Variants in CALCOCO2 observed in about 807,000 individuals in gnomAD.
The protein encoded by CALCOCO2 is calcium-binding and coiled-coil domain-containing protein 2.
Under a neutral mutation model 62.5 loss-of-function variants are expected in CALCOCO2, and 42 were observed. The ratio of observed to expected loss-of-function variants is 0.67; its 90% confidence interval spans 0.53 to 0.87. The LOEUF (loss-of-function observed/expected upper bound fraction) is 0.87. CALCOCO2 is among the 40% of genes least tolerant of loss of function. The pLI is 0.00. For synonymous variants in CALCOCO2, 167 were observed against 173.0 expected (o/e 0.97, Z 0.27); for missense variants, 456 against 515.0 (o/e 0.89, Z 1.11).
intron 10 of CALCOCO2, among the ~76,000 whole-genome samples, chr17:48,857,628 G>A (rs936514292): frequency 1.1e-4 from 17 of 149,184 alleles, no homozygotes; most frequent in African/African-American, 3.7e-4. Context: ...TCTGGCCTAT[G>A]CCTCCTAGTG....
chr17:48,861,804 T>C (rs1049736325), intron 11 of CALCOCO2, among the ~76,000 whole-genome samples: 2 of 151,312 alleles, frequency 1.3e-5, no homozygotes, highest in African/African-American at 4.9e-5. Context: ...TCCCAGCACT[T>C]TGAGAGGCCG....
In CALCOCO2 at chr17:48,864,554, T is replaced by A. The variant is rs1484509561; in HGVS notation, c.*1549T>A. On this transcript the variant is annotated 3_prime_UTR_variant, in exon 13 of 13. Transcript: ENST00000258947. ...AAATGGAAATAACTCCCAGGCAGTA[T>A]CAGGTGGTCACTACAGAGACTTCCA... is the stretch of plus-strand genomic sequence containing the variant. 12 of 152,570 alleles carry A rather than the reference T, an allele frequency of 7.9e-5. No homozygotes were observed. Among genetic ancestry groups the A allele is most frequent in the Admixed American group, 7.9e-4 (12 of 15,286 alleles). The allele number at this position is 152,570 out of a possible 1,614,324, so 9.5% of individuals were successfully genotyped here.
At position 48,860,390 on chromosome 17, in the gene CALCOCO2, C is replaced by T; in HGVS notation, c.1085C>T (p.Thr362Ile). The change falls in exon 11 of 13, where the codon ACT (threonine) becomes ATT (isoleucine). Residue 362 changes from threonine (T) to isoleucine (I), a missense_variant. Thr to Ile is a moderately conservative substitution (Grantham distance 89). Around this residue, in one of 3 missense-constraint regions of CALCOCO2, gnomAD observed 172 missense variants for 210.3 expected, o/e 0.82. Transcript: ENST00000258947. ...AATTCTTTGCCGTATCAAGTACCTA[C>T]TTCAGATGAAGGAGGCGCAAGACAA... ...DFNSLPYQVPTSDEGGARQNP... is the reference protein window; with the variant it reads ...DFNSLPYQVPISDEGGARQNP... The T allele has an allele frequency of 6.2e-7, 1 of 1,613,690 alleles. No homozygotes were observed. Among genetic ancestry groups the T allele is most frequent in the Non-Finnish European group, 8.5e-7 (1 of 1,179,568 alleles).
chr17:48,862,354 C>T (rs370391277), intron 12 of CALCOCO2, 50 bp downstream of exon 12: 107 of 1,239,214 alleles, frequency 8.6e-5, no homozygotes, highest in Non-Finnish European at 1.2e-4. Flanking sequence ...TGAAAATTTC[C>T]CTTCCTGCTC....
At chr17:48,831,270 G>C (rs1317133743) in intron 1 of CALCOCO2, 192 bp downstream of exon 1, 2 of 152,498 alleles carry the variant, frequency 1.3e-5, no homozygotes, top group Non-Finnish European at 2.9e-5. Context: ...GGAGGGTTGC[G>C]GGGCAGTTTT....
chr17:48,862,299 A>G lies in CALCOCO2; in HGVS notation c.1168A>G (p.Ser390Gly). The G allele has an allele frequency of 6.3e-7, 1 of 1,587,468 alleles. No individual in the cohort carries two copies. Among genetic ancestry groups the G allele is most frequent in the Non-Finnish European group, 8.7e-7 (1 of 1,155,832 alleles). Residue 390 changes from serine to glycine, a missense_variant, in exon 12 of 13, where the codon AGC becomes GGC. Transcript: ENST00000258947. The stretch of plus-strand genomic sequence containing the variant: ...AGGTATCCAAGAAAGTTCTTCCCCC[A>G]GCCCGGTAAGTATTTGATTCATGAG... ...YSGIQESSSP[S>G]PLSIKKCPIC...
chr17:48,848,337 A>G lies in CALCOCO2; in HGVS notation c.299A>G (p.Lys100Arg). Residue 100 changes from lysine to arginine, a missense_variant, in exon 4 of 13, where the codon AAG becomes AGG. Coordinates refer to ENST00000258947, the MANE Select transcript of CALCOCO2 (RefSeq NM_005831.5). ...EVQFKAYYLP[K>R]DDEYYQFCYV... ...GTGTTTTCAGCTTACTACCTGCCCA[A>G]GGATGATGAGTATTACCAGTTCTGC... The G allele has an allele frequency of 6.2e-7, 1 of 1,613,688 alleles. No individual in the cohort carries two copies.
At chr17:48,834,729 A>C (rs1454432417) in intron 1 of CALCOCO2, among the ~76,000 whole-genome samples, 1 of 152,122 alleles carries the variant, frequency 6.6e-6, no homozygotes, top group African/African-American at 2.4e-5. Context: ...TGGTTAAAGG[A>C]GGGGAAGTTG....
In CALCOCO2 at chr17:48,863,793, CT is replaced by C; in HGVS notation, c.*790del. The C allele has an allele frequency of 6.6e-6, 1 of 152,282 alleles. No individual in the cohort carries two copies. Among genetic ancestry groups the C allele is most frequent in the African/African-American group, 2.4e-5 (1 of 41,532 alleles). The allele number at this position is 152,282 out of a possible 1,614,324, so 9.4% of individuals were successfully genotyped here. ...TGGGTAAATCAGAATAATGAGACAA[CT>C]TGTTAATCTCTTTAATACTAAAAAT... On this transcript the variant is annotated 3_prime_UTR_variant, in exon 13 of 13. Coordinates refer to ENST00000258947, the MANE Select transcript of CALCOCO2 (RefSeq NM_005831.5).
intron 10 of CALCOCO2, among the ~76,000 whole-genome samples, chr17:48,859,879 G>A (rs566969805): frequency 3.9e-5 from 6 of 152,292 alleles, no homozygotes; most frequent in Admixed American, 1.3e-4. Context: ...CGGATCACTT[G>A]TGGTCAGGAG....
At chr17:48,838,723 A>C (rs1055889874) in intron 1 of CALCOCO2, among the ~76,000 whole-genome samples, 1 of 152,052 alleles carries the variant, frequency 6.6e-6, no homozygotes, top group Admixed American at 6.6e-5. Flanking sequence ...TAAAAAATAT[A>C]TATATATATA....
intron 2 of CALCOCO2, among the ~76,000 whole-genome samples, chr17:48,843,471 GGA>G (rs1189410177): frequency 6.6e-6 from 1 of 152,216 alleles, no homozygotes; most frequent in Non-Finnish European, 1.5e-5. Flanking sequence ...GCACTGTGAA[GGA>G]GCTGTTGCTT....
At chr17:48,839,630 T>G (rs1229609546) in intron 1 of CALCOCO2, 1 of 150,088 alleles carries the variant, frequency 6.7e-6, no homozygotes, top group African/African-American at 2.5e-5. Flanking sequence ...ATTACAGGTG[T>G]AAGCCACAGT....
chr17:48,833,838 G>A (rs2039851732), intron 1 of CALCOCO2, among the ~76,000 whole-genome samples: 1 of 151,864 alleles, frequency 6.6e-6, no homozygotes, highest in East Asian at 1.9e-4. Flanking sequence ...GTTAGAAAGA[G>A]CAGAAGTAGG....
chr17:48,862,083 G>A (rs1277316165), intron 11 of CALCOCO2, among the ~76,000 whole-genome samples, 193 bp from the exon 12 acceptor site: 1 of 151,270 alleles, frequency 6.6e-6, no homozygotes, highest in Non-Finnish European at 1.5e-5. Context: ...CATTATTTAT[G>A]TTTTCTTTTC....
Position 48,844,868 on chromosome 17 carries a change from G to A in CALCOCO2, c.180+2981G>A, listed in dbSNP as rs376634089. 2.2e-4 allele frequency among the ~76,000 whole-genome samples: 34 copies of A among 152,234 alleles called. No homozygotes were observed. The East Asian group carries it at 4.3e-3, about 19-fold the overall frequency. ...GTTTAAAAATATTTTGTCCAGGTGC[G>A]GTGGCTCACGCCTGTAATCCCAGGA... is the stretch of plus-strand genomic sequence containing the variant. On this transcript the variant is annotated intron_variant, in intron 2 of 12. Transcript: ENST00000258947.
intron 1 of CALCOCO2, among the ~76,000 whole-genome samples, chr17:48,840,058 ACCT>A (rs1014235864): frequency 7.9e-5 from 12 of 151,694 alleles, no homozygotes; most frequent in African/African-American, 2.2e-4. Flanking sequence ...CAATCCTCTC[ACCT>A]CAGCCTCCTG....
In CALCOCO2 at chr17:48,858,032, T is replaced by TAG. The variant is rs1157978194; in HGVS notation, c.1008+1847_1008+1848dup. Among the ~76,000 whole-genome samples, 75 of 14,894 alleles carry TAG rather than the reference T, an allele frequency of 5.0e-3. 8 individuals are homozygous for TAG. Among genetic ancestry groups the TAG allele is most frequent in the Non-Finnish European group, 0.012 (61 of 5,244 alleles). 9.8% of individuals were successfully genotyped at this position (14,894 alleles called of 152,430 possible). On this transcript the variant is annotated intron_variant, in intron 10 of 12. Coordinates refer to ENST00000258947, the MANE Select transcript of CALCOCO2 (RefSeq NM_005831.5). The stretch of plus-strand genomic sequence containing the variant: ...TAGAATAGAATAGAATAGAATAGAA[T>TAG]AGAATAGAATAGAAAATAGAATAGA...
rs2040156249 is a variant in CALCOCO2, at chr17:48,852,985, T to C, written c.885T>C (p.Thr295=). 6.2e-7 allele frequency: 1 copy of C among 1,613,036 alleles called. No individual in the cohort carries two copies. Among genetic ancestry groups the C allele is most frequent in the South Asian group, 1.1e-5 (1 of 91,060 alleles). ...TVEQMKQNET[T]AMKKQQELMD... ...AGCAAATGAAGCAGAATGAAACTAC[T>C]GCAATGAAGAAACAACAGGAATTAA... Residue 295 remains threonine (T), a synonymous_variant, in exon 9 of 13, where the codon ACT becomes ACC. Coordinates refer to ENST00000258947, the MANE Select transcript of CALCOCO2 (RefSeq NM_005831.5).
Sources: allele counts gnomAD v4.1 joint callset (sites outside exome capture counted in the v4.1 genomes callset), GRCh38; gene constraint gnomAD v4.1.1; regional missense constraint gnomAD v4.1.1; transcripts MANE v1.5; gene names NCBI Gene and HGNC (gene_info 2026-07-23, HGNC 2026-07-21).